Variants in ARHGAP42 observed in about 807,000 individuals in gnomAD.
ARHGAP42 encodes Rho GTPase activating protein 42, also known as rho GTPase-activating protein 42.
ARHGAP42 carries 63 observed loss-of-function variants against 125.0 expected under a neutral mutation model. The ratio of observed to expected loss-of-function variants is 0.50; its 90% CI spans 0.41 to 0.62. The LOEUF (loss-of-function observed/expected upper bound fraction) is 0.62. Ranked by LOEUF, ARHGAP42 falls within the 20% of genes least tolerant of loss-of-function variation. The pLI is 0.00. For synonymous variants in ARHGAP42, 339 were observed against 351.0 expected (o/e 0.97, Z 0.38); for missense variants, 766 against 1,024.2 (o/e 0.75, Z 3.44).
intron 1 of ARHGAP42, among the ~76,000 whole-genome samples, chr11:100,735,162 T>G: frequency 6.6e-6 from 1 of 152,316 alleles, no homozygotes; most frequent in Non-Finnish European, 1.5e-5. Flanking sequence ...GACAAAACCA[T>G]TTCTCATTTC....
chr11:100,914,170 A>T (rs1867003581), intron 5 of ARHGAP42, among the ~76,000 whole-genome samples: 1 of 152,092 alleles, frequency 6.6e-6, no homozygotes, highest in Admixed American at 6.6e-5. Flanking sequence ...CTTCACCTTA[A>T]GCGATCTGCC....
intron 10 of ARHGAP42, among the ~76,000 whole-genome samples, chr11:100,945,296 T>C (rs530472939): frequency 6.6e-6 from 1 of 150,656 alleles, no homozygotes; most frequent in South Asian, 2.1e-4. Flanking sequence ...TCCACTGAAG[T>C]CTTGAACCCC....
At chr11:100,807,004 C>A (rs996875758) in intron 3 of ARHGAP42, among the ~76,000 whole-genome samples, 3 of 151,844 alleles carry the variant, frequency 2.0e-5, no homozygotes, top group Non-Finnish European at 4.4e-5. Context: ...CCCGCCACCA[C>A]GCCTGGCTAA....
At chr11:100,936,634 C>CAAA (rs1220963063) in intron 8 of ARHGAP42, among the ~76,000 whole-genome samples, 1 of 152,130 alleles carries the variant, frequency 6.6e-6, no homozygotes, top group Admixed American at 6.6e-5. Flanking sequence ...AATTGCAAGC[C>CAAA]AAAGCCTTTA....
At chr11:100,931,467 G>A (rs1451462855) in intron 6 of ARHGAP42, among the ~76,000 whole-genome samples, 1 of 152,140 alleles carries the variant, frequency 6.6e-6, no homozygotes, top group Admixed American at 6.5e-5. Flanking sequence ...TAGAAAAGTT[G>A]GATCTCAGGG....
At chr11:100,768,486 G>C (rs906647370) in intron 1 of ARHGAP42, among the ~76,000 whole-genome samples, 4 of 152,172 alleles carry the variant, frequency 2.6e-5, no homozygotes, top group African/African-American at 7.2e-5. Flanking sequence ...TAGTCAAGAA[G>C]AGGGCTTAAA....
chr11:100,780,148 G>A (rs1863269519), intron 2 of ARHGAP42, among the ~76,000 whole-genome samples: 1 of 151,958 alleles, frequency 6.6e-6, no homozygotes, highest in Admixed American at 6.6e-5. Context: ...CCTGTTATGT[G>A]ACAAGAACTG....
intron 3 of ARHGAP42, among the ~76,000 whole-genome samples, chr11:100,797,641 C>T (rs1276703134): frequency 2.0e-5 from 3 of 152,024 alleles, no homozygotes; most frequent in East Asian, 1.9e-4. Context: ...TATTACTGCT[C>T]ATTGACAATA....
At chr11:100,976,759 A>G in intron 20 of ARHGAP42, 56 bp from the exon 21 acceptor site, 3 of 1,530,642 alleles carry the variant, frequency 2.0e-6, no homozygotes, top group Non-Finnish European at 2.6e-6. Flanking sequence ...TGTACGTGTT[A>G]TTGCTATTAT....
intron 6 of ARHGAP42, among the ~76,000 whole-genome samples, chr11:100,928,648 C>T (rs1413852894): frequency 6.6e-6 from 1 of 152,054 alleles, no homozygotes; most frequent in Non-Finnish European, 1.5e-5. Flanking sequence ...CTCATTTAAA[C>T]TATACAATTC....
chr11:100,768,070 G>C (rs1194796615), intron 1 of ARHGAP42, among the ~76,000 whole-genome samples: 1 of 152,032 alleles, frequency 6.6e-6, no homozygotes, highest in Non-Finnish European at 1.5e-5. Context: ...ATGAATGTCG[G>C]GGCTGCCACA....
chr11:100,736,404 G>A (rs1862069283), intron 1 of ARHGAP42, among the ~76,000 whole-genome samples: 1 of 152,248 alleles, frequency 6.6e-6, no homozygotes, highest in East Asian at 1.9e-4. Context: ...CTGCCTTCCT[G>A]GAATAAACCT....
intron 4 of ARHGAP42, among the ~76,000 whole-genome samples, chr11:100,878,168 G>A (rs1026642023): frequency 1.3e-5 from 2 of 150,618 alleles, no homozygotes; most frequent in African/African-American, 2.4e-5. Flanking sequence ...CACTTTTGTT[G>A]CCCAGGCTGG....
chr11:100,712,659 G>A (rs1861584119), intron 1 of ARHGAP42, among the ~76,000 whole-genome samples: 1 of 152,170 alleles, frequency 6.6e-6, no homozygotes, highest in African/African-American at 2.4e-5. Context: ...TGGGTTTTCA[G>A]TATGCATGTG....
chr11:100,897,961 G>A (rs2135203053), intron 4 of ARHGAP42, among the ~76,000 whole-genome samples: 1 of 152,308 alleles, frequency 6.6e-6, no homozygotes, highest in Admixed American at 6.5e-5. Flanking sequence ...CATTCAGTAT[G>A]ATATTGGCTG....
chr11:100,879,568 G>T (rs181464400), intron 4 of ARHGAP42, among the ~76,000 whole-genome samples: 85 of 152,254 alleles, frequency 5.6e-4, no homozygotes, highest in African/African-American at 1.9e-3. Context: ...ACAGAAGGTG[G>T]CAAAATTGGA....
At chr11:100,904,066 A>C (rs976117443) in intron 4 of ARHGAP42, among the ~76,000 whole-genome samples, 3 of 151,990 alleles carry the variant, frequency 2.0e-5, no homozygotes, top group Non-Finnish European at 4.4e-5. Context: ...TCTTTTGGCA[A>C]TACCCACACA....
chr11:100,829,891 T>C (rs1864625105), intron 3 of ARHGAP42, among the ~76,000 whole-genome samples: 1 of 152,226 alleles, frequency 6.6e-6, no homozygotes, highest in South Asian at 2.1e-4. Context: ...TGTTTACAAT[T>C]ACTTTGTGAT....
Position 100,962,401 on chromosome 11 carries a change from T to C in ARHGAP42, c.1386-8T>C, listed in dbSNP as rs894049296. The C allele has an allele frequency of 6.5e-7, 1 of 1,549,792 alleles. No homozygotes were observed. Among genetic ancestry groups the C allele is most frequent in the Non-Finnish European group, 8.7e-7 (1 of 1,145,522 alleles). On this transcript the variant is annotated splice_region_variant and splice_polypyrimidine_tract_variant and intron_variant, in intron 15 of 23. Transcript: ENST00000298815. The stretch of plus-strand genomic sequence containing the variant: ...TATTCTAACATGTGTTTCCTTTCTC[T>C]GTTGTAGGTGCCTTGCAGAACCACT...
Sources: allele counts gnomAD v4.1 joint callset (sites outside exome capture counted in the v4.1 genomes callset), GRCh38; gene constraint gnomAD v4.1.1; transcripts MANE v1.5; gene names NCBI Gene and HGNC (gene_info 2026-07-23, HGNC 2026-07-21).